The following OTUD7A variants were observed in gnomAD, a reference collection of about 807,000 sequenced individuals.
OTUD7A encodes OTU deubiquitinase 7A.
Under a neutral mutation model 65.7 loss-of-function variants are expected in OTUD7A, and 12 were observed. The observed-to-expected ratio is 0.18, with a 90% CI of 0.12 to 0.30. The LOEUF is 0.30. Ranked by LOEUF, OTUD7A falls within the 10% of genes least tolerant of loss-of-function variation. OTUD7A has a pLI of 1.00. For missense variants in OTUD7A, 1,148 were observed against 1,304.8 expected, an observed-to-expected ratio of 0.88 and a Z score of 1.85; for synonymous variants, 641 against 586.3, an observed-to-expected ratio of 1.09 and a Z score of -1.35.
intron 1 of OTUD7A, among the ~76,000 whole-genome samples, chr15:31,820,080 T>G (rs1025803469): frequency 4.6e-5 from 7 of 152,190 alleles, no homozygotes; most frequent in African/African-American, 1.7e-4. Flanking sequence ...AACATTCTTA[T>G]TATTTGCTTC....
intron 1 of OTUD7A, among the ~76,000 whole-genome samples, chr15:31,699,518 T>G (rs1461482573): frequency 6.6e-6 from 1 of 152,164 alleles, no homozygotes; most frequent in Non-Finnish European, 1.5e-5. Flanking sequence ...GAGCTGCTCA[T>G]GTAGCAATAA....
intron 10 of OTUD7A, among the ~76,000 whole-genome samples, chr15:31,491,080 G>C (rs1382901309): frequency 6.6e-6 from 1 of 151,960 alleles, no homozygotes; most frequent in Non-Finnish European, 1.5e-5. Flanking sequence ...TACTCAAGAT[G>C]CCTGGCTTTC....
intron 1 of OTUD7A, among the ~76,000 whole-genome samples, chr15:31,781,559 T>A (rs936315748): frequency 6.6e-6 from 1 of 152,182 alleles, no homozygotes; most frequent in African/African-American, 2.4e-5. Flanking sequence ...AATGTATACA[T>A]CTTCAAAGGT....
Position 31,478,506 on chromosome 15 carries a change from A to G in OTUD7A, c.*4788T>C, listed in dbSNP as rs940658533. 6.6e-6 allele frequency: 1 copy of G among 152,232 alleles called. No individual in the cohort carries two copies. The highest frequency in any genetic ancestry group is 1.9e-4 in the East Asian group (1 of 5,196). The allele number at this position is 152,232 out of a possible 1,614,324, so 9.4% of individuals were successfully genotyped here. On this transcript the variant is annotated 3_prime_UTR_variant, in exon 13 of 13. Coordinates refer to ENST00000307050, the MANE Select transcript of OTUD7A (RefSeq NM_001382637.1). ...TTCAACAAATCATTTGGCAAAATAA[A>G]TAGAAACAGTAACATTACTAGCATG...
Position 31,626,109 on chromosome 15 carries a change from C to G in OTUD7A, c.151+28987G>C, listed in dbSNP as rs150994344. 4.8e-3 allele frequency among the ~76,000 whole-genome samples: 733 copies of G among 152,278 alleles called. 3 individuals carry two copies. Among genetic ancestry groups the G allele is most frequent in the South Asian group, 0.014 (67 of 4,826 alleles). On this transcript the variant is annotated intron_variant, in intron 3 of 12. Coordinates refer to ENST00000307050, the MANE Select transcript of OTUD7A (RefSeq NM_001382637.1). Reference sequence around the variant, plus strand: ...GTGTTTGATTTTTTTATTACAGTTTCAGACACAAGGTGTGTCTATTCGTCA... The same window carrying G: ...GTGTTTGATTTTTTTATTACAGTTTGAGACACAAGGTGTGTCTATTCGTCA...
At chr15:31,590,698 A>G (rs1443195549) in intron 3 of OTUD7A, among the ~76,000 whole-genome samples, 1 of 152,232 alleles carries the variant, frequency 6.6e-6, no homozygotes, top group Non-Finnish European at 1.5e-5. Flanking sequence ...GTATTTCCAG[A>G]TGCTTGGGTT....
chr15:31,526,367 T>C lies in OTUD7A; in HGVS notation c.875A>G (p.Asn292Ser). The stretch of plus-strand genomic sequence containing the variant: ...CACTTACCCCCCGCCCGTGCCGCCA[T>C]TCTTGCTGAAGTGTGTGCGCGGCTC... ...SSEPRTHFSK[N>S]GGTGGGVDNS... Residue 292 changes from asparagine to serine, a missense_variant, in exon 8 of 13, where the codon AAT becomes AGT. Physicochemically the swap from Asn to Ser is conservative, Grantham distance 46 (BLOSUM62 1). This residue lies in a region of OTUD7A where 25 missense variants were observed against 18.7 expected (regional missense o/e 1.34). Transcript: ENST00000307050. 1.9e-6 allele frequency: 3 copies of C among 1,599,624 alleles called. No individual in the cohort carries two copies. Among genetic ancestry groups the C allele is most frequent in the South Asian group, 2.2e-5 (2 of 89,114 alleles).
At chr15:31,612,531 C>T (rs1376842589) in intron 3 of OTUD7A, among the ~76,000 whole-genome samples, 1 of 152,056 alleles carries the variant, frequency 6.6e-6, no homozygotes, top group East Asian at 1.9e-4. Context: ...ATCAAGAACT[C>T]AACCCCTTTT....
At chr15:31,551,980 G>T (rs1232888469) in intron 5 of OTUD7A, among the ~76,000 whole-genome samples, 1 of 152,218 alleles carries the variant, frequency 6.6e-6, no homozygotes, top group Non-Finnish European at 1.5e-5. Flanking sequence ...GATCCCCAAT[G>T]TTGAGGGGGG....
At chr15:31,559,299 TCATGCACACAGACCACACA>T (rs1480563814) in intron 4 of OTUD7A, 112 bp from the exon 5 acceptor site, 2 of 1,021,100 alleles carry the variant, frequency 2.0e-6, no homozygotes, top group Non-Finnish European at 2.8e-6. Flanking sequence ...AGGTACACAT[TCATGCACACAGACCACACA>T]CATGCACATA....
chr15:31,500,455 C>T (rs2072726791), intron 10 of OTUD7A, among the ~76,000 whole-genome samples: 1 of 152,254 alleles, frequency 6.6e-6, no homozygotes, highest in South Asian at 2.1e-4. Context: ...TCTGCATCTG[C>T]TCTTGGGAAG....
At chr15:31,786,758 G>T (rs968477658) in intron 1 of OTUD7A, among the ~76,000 whole-genome samples, 3 of 152,140 alleles carry the variant, frequency 2.0e-5, no homozygotes, top group Admixed American at 1.3e-4. Context: ...GGTGTAAGCA[G>T]GTCTCCCCCT....
At chr15:31,710,943 G>C (rs1893428697) in intron 1 of OTUD7A, among the ~76,000 whole-genome samples, 1 of 152,054 alleles carries the variant, frequency 6.6e-6, no homozygotes. Flanking sequence ...CCGTGCGGCT[G>C]GGTGAAATTC....
chr15:31,555,625 A>C (rs1888463821), intron 5 of OTUD7A, among the ~76,000 whole-genome samples: 1 of 152,046 alleles, frequency 6.6e-6, no homozygotes, highest in Non-Finnish European at 1.5e-5. Context: ...GCTGTGGGAG[A>C]CCCTTTAGCA....
chr15:31,613,841 G>C (rs1936482675), intron 3 of OTUD7A, among the ~76,000 whole-genome samples: 1 of 152,166 alleles, frequency 6.6e-6, no homozygotes, highest in South Asian at 2.1e-4. Context: ...ACTTGTACAT[G>C]CATGTTTGTG....
intron 1 of OTUD7A, among the ~76,000 whole-genome samples, chr15:31,776,260 T>C (rs1371349724): frequency 1.3e-5 from 2 of 152,238 alleles, no homozygotes; most frequent in African/African-American, 4.8e-5. Flanking sequence ...ACTTCCAGTG[T>C]GGGACTTCCA....
intron 1 of OTUD7A, among the ~76,000 whole-genome samples, chr15:31,744,344 T>C (rs1223742501): frequency 6.6e-6 from 1 of 152,120 alleles, no homozygotes; most frequent in Non-Finnish European, 1.5e-5. Flanking sequence ...AACATTGCCA[T>C]AATCACTCAT....
intron 9 of OTUD7A, among the ~76,000 whole-genome samples, chr15:31,502,194 C>T (rs1189502898): frequency 1.3e-5 from 2 of 152,182 alleles, no homozygotes; most frequent in East Asian, 1.9e-4. Context: ...AGAGTATGTG[C>T]GCTTCTCAAG....
At chr15:31,592,611 T>A (rs534548808) in intron 3 of OTUD7A, among the ~76,000 whole-genome samples, 1 of 151,910 alleles carries the variant, frequency 6.6e-6, no homozygotes, top group Admixed American at 6.6e-5. Flanking sequence ...GGCCGCGCGG[T>A]GGCTCACGCC....
Sources: allele counts gnomAD v4.1 joint callset (sites outside exome capture counted in the v4.1 genomes callset), GRCh38; gene constraint gnomAD v4.1.1; regional missense constraint gnomAD v4.1.1; transcripts MANE v1.5; gene names NCBI Gene and HGNC (gene_info 2026-07-23, HGNC 2026-07-21).